DGCR8: variants seen among roughly 807,000 people sequenced by gnomAD.
DGCR8 encodes the protein DGCR8 microprocessor complex subunit.
Under a neutral mutation model 78.5 loss-of-function variants are expected in DGCR8, and 14 were observed. The ratio of observed to expected loss-of-function variants is 0.18; its 90% confidence interval spans 0.12 to 0.28. DGCR8 has a LOEUF of 0.28. Among genes scored for constraint, DGCR8 ranks in the 10% least tolerant of loss-of-function variants. DGCR8 has a pLI of 1.00. For synonymous variants in DGCR8, 399 were observed against 402.4 expected (o/e 0.99, Z 0.10); for missense variants, 702 against 1,022.5 (o/e 0.69, Z 4.28).
At chr22:20,092,772 A>T in intron 7 of DGCR8, 37 bp from the exon 8 acceptor site, 1 of 1,571,534 alleles carries the variant, frequency 6.4e-7, no homozygotes, top group Non-Finnish European at 8.7e-7. Flanking sequence ...TGATGTCTTG[A>T]CTCGTATGTT....
intron 9 of DGCR8, among the ~76,000 whole-genome samples, chr22:20,104,137 C>G (rs1278843026): frequency 1.3e-5 from 2 of 150,624 alleles, no homozygotes; most frequent in South Asian, 2.1e-4. Flanking sequence ...CAGCTTGGTG[C>G]AGGGCATCCT....
Position 20,106,216 on chromosome 22 carries a change from G to A in DGCR8, c.1828G>A (p.Glu610Lys). ...HISIEDSRVY[E>K]LTSKAGLLSP... ...CAGCATCGAGGACTCGCGGGTCTAC[G>A]AGCTGACCAGCAAGGCTGGGCTGTT... Residue 610 changes from glutamate (E) to lysine (K), a missense_variant, in exon 10 of 14, where the codon GAG becomes AAG. Glu to Lys is a moderately conservative substitution (Grantham distance 56). Around this residue, in one of 4 missense-constraint regions of DGCR8, gnomAD observed 225 missense variants for 427.7 expected, o/e 0.53. Coordinates refer to ENST00000351989, the MANE Select transcript of DGCR8 (RefSeq NM_022720.7). 6.2e-7 allele frequency: 1 copy of A among 1,614,030 alleles called. No individual in the cohort carries two copies.
At chr22:20,083,087 C>T (rs2049436064) in intron 1 of DGCR8, among the ~76,000 whole-genome samples, 1 of 152,194 alleles carries the variant, frequency 6.6e-6, no homozygotes, top group Non-Finnish European at 1.5e-5. Context: ...TGCTTTTCCT[C>T]TCAGTGTCAC....
chr22:20,099,770 A>G lies in DGCR8; in HGVS notation c.1788+4975A>G, dbSNP rs574540983. ...AGAACTACTTTAGGATGGGTTTTGT[A>G]AAGTTTTCTCATCTTTGTGGACTGG... On this transcript the variant is annotated intron_variant, in intron 9 of 13. Transcript: ENST00000351989. Among the ~76,000 whole-genome samples the G allele has an allele frequency of 2.6e-5, 4 of 152,296 alleles. No individual in the cohort carries two copies. In the East Asian group the frequency reaches 5.8e-4, roughly 22 times the overall value.
intron 9 of DGCR8, chr22:20,100,967 A>T: frequency 2.0e-6 from 1 of 505,326 alleles, no homozygotes; most frequent in Non-Finnish European, 2.6e-6. Context: ...GAAATTTGCT[A>T]GGACTCAGGA....
intron 8 of DGCR8, among the ~76,000 whole-genome samples, chr22:20,093,731 C>T (rs1568956202): frequency 6.6e-6 from 1 of 152,218 alleles, no homozygotes; most frequent in Non-Finnish European, 1.5e-5. Context: ...TGTGTCCTGG[C>T]GAAGACCCAC....
At chr22:20,106,461 C>A in intron 10 of DGCR8, 131 bp from the exon 11 acceptor site, 1 of 828,420 alleles carries the variant, frequency 1.2e-6, no homozygotes, top group Non-Finnish European at 2.0e-6. Context: ...TGGAGAATTC[C>A]CTCCTCTGGC....
chr22:20,088,548 C>T (rs2049516375), intron 3 of DGCR8, among the ~76,000 whole-genome samples: 1 of 152,194 alleles, frequency 6.6e-6, no homozygotes, highest in African/African-American at 2.4e-5. Context: ...ATTCCCTTTG[C>T]TTCTTTTCCT....
chr22:20,106,722 T>G (rs2049774496), intron 11 of DGCR8, 24 bp downstream of exon 11: 5 of 1,552,804 alleles, frequency 3.2e-6, no homozygotes, highest in Non-Finnish European at 4.4e-6. Flanking sequence ...CTCTGCTGCC[T>G]GGTGGCCGCT....
At chr22:20,100,387 G>A (rs1470781499) in intron 9 of DGCR8, 10 of 985,182 alleles carry the variant, frequency 1.0e-5, no homozygotes, top group Non-Finnish European at 9.6e-6. Context: ...ATTTCTGAGT[G>A]ACCCAACCGT....
intron 1 of DGCR8, among the ~76,000 whole-genome samples, chr22:20,084,663 G>A (rs952146880): frequency 1.6e-4 from 24 of 152,208 alleles, no homozygotes; most frequent in African/African-American, 5.8e-4. Flanking sequence ...TCCTCGCCAG[G>A]CTCCTGCCTG....
chr22:20,106,439 G>C, intron 10 of DGCR8, 153 bp from the exon 11 acceptor site: 1 of 812,770 alleles, frequency 1.2e-6, no homozygotes, highest in Non-Finnish European at 2.0e-6. Context: ...CCACAGGCCT[G>C]AATCGGGCGT....
chr22:20,111,565 T>C lies in DGCR8; in HGVS notation c.*1457T>C. 1 of 397,624 alleles carries C rather than the reference T, an allele frequency of 2.5e-6. No individual in the cohort carries two copies. Among genetic ancestry groups the C allele is most frequent in the Non-Finnish European group, 4.4e-6 (1 of 225,948 alleles). 24.6% of individuals were successfully genotyped at this position (397,624 alleles called of 1,614,324 possible). The stretch of plus-strand genomic sequence containing the variant: ...GTGAATAGTCATTTGACTGTGACTG[T>C]TGCCCTTAGCCAGCCAGATGCGCCT... On this transcript the variant is annotated 3_prime_UTR_variant, in exon 14 of 14. Transcript: ENST00000351989.
At chr22:20,106,798 G>T in intron 11 of DGCR8, 100 bp downstream of exon 11, 1 of 841,120 alleles carries the variant, frequency 1.2e-6, no homozygotes, top group Non-Finnish European at 2.0e-6. Flanking sequence ...CCCTGGCATT[G>T]TCCCTGAGCC....
At chr22:20,105,751 G>T (rs1488690545) in intron 9 of DGCR8, among the ~76,000 whole-genome samples, 1 of 152,202 alleles carries the variant, frequency 6.6e-6, no homozygotes. Context: ...GCCTTTTAAG[G>T]CCAGCTTTTG....
At chr22:20,101,639 G>T in intron 9 of DGCR8, 2 of 985,400 alleles carry the variant, frequency 2.0e-6, no homozygotes, top group Non-Finnish European at 2.4e-6. Flanking sequence ...TGTCAGAGGG[G>T]AAAGTAGCTT....
At chr22:20,080,510 C>A (rs1274036948) in intron 1 of DGCR8, 127 bp downstream of exon 1, 1 of 983,262 alleles carries the variant, frequency 1.0e-6, no homozygotes, top group Non-Finnish European at 1.2e-6. Context: ...GCGCGGAGCC[C>A]GGCCTTTGTG....
chr22:20,110,065 C>A lies in DGCR8; in HGVS notation c.2279C>A (p.Ser760Tyr). 1.9e-6 allele frequency: 3 copies of A among 1,613,212 alleles called. No homozygotes were observed. Among genetic ancestry groups the A allele is most frequent in the Non-Finnish European group, 2.5e-6 (3 of 1,180,022 alleles). ...AAGCCCAAGATGTCCATTGTGGCGT[C>A]CGCCCAGCCTGGCGGTGAGCCCCTG... Reference protein sequence around the residue: ...RKKPKMSIVASAQPGGEPLCT... With the variant: ...RKKPKMSIVAYAQPGGEPLCT... Residue 760 changes from serine to tyrosine, a missense_variant, in exon 14 of 14, where the codon TCC (serine) becomes TAC (tyrosine). By Grantham distance (144) the Ser-to-Tyr change is moderately radical. This residue lies in a region of DGCR8 where 225 missense variants were observed against 427.7 expected (regional missense o/e 0.53). Transcript: ENST00000351989.
chr22:20,100,984 GAA>G (rs2049693541), intron 9 of DGCR8, among the ~76,000 whole-genome samples: 2 of 152,154 alleles, frequency 1.3e-5, no homozygotes, highest in East Asian at 3.9e-4. Flanking sequence ...AGGAACTCAG[GAA>G]AAATTTTACT....
Sources: allele counts gnomAD v4.1 joint callset (sites outside exome capture counted in the v4.1 genomes callset), GRCh38; gene constraint gnomAD v4.1.1; regional missense constraint gnomAD v4.1.1; transcripts MANE v1.5; gene names NCBI Gene and HGNC (gene_info 2026-07-23, HGNC 2026-07-21).